SBSN: variants seen among roughly 807,000 people sequenced by gnomAD.
SBSN encodes the protein HLAR698.
In SBSN, 33 loss-of-function variants were observed where a neutral mutation model predicts 42.8. That is an observed-to-expected ratio of 0.77 (90% confidence interval 0.58 to 1.03). The LOEUF (loss-of-function observed/expected upper bound fraction) is 1.03. Among genes scored for constraint, SBSN ranks in the 50% least tolerant of loss-of-function variants. The probability of loss-of-function intolerance (pLI) is 0.00; values close to 1 mark genes in which losing one functional copy is unlikely to be tolerated. For missense variants in SBSN, 646 were observed against 757.3 expected (o/e 0.85, Z 1.72); for synonymous variants, 276 against 307.0 (o/e 0.90, Z 1.06).
At chr19:35,523,969 A>C (rs978356906) in intron 3 of SBSN, among the ~76,000 whole-genome samples, 1 of 152,220 alleles carries the variant, frequency 6.6e-6, no homozygotes, top group African/African-American at 2.4e-5. Flanking sequence ...ACTTGAGATC[A>C]GGAGTTCGAG....
At chr19:35,523,976 C>G (rs2071340518) in intron 3 of SBSN, among the ~76,000 whole-genome samples, 1 of 152,126 alleles carries the variant, frequency 6.6e-6, no homozygotes, top group African/African-American at 2.4e-5. Context: ...ATCAGGAGTT[C>G]GAGACCAGCC....
chr19:35,525,059 T>C, intron 1 of SBSN, 135 bp from the exon 2 acceptor site: 3 of 877,260 alleles, frequency 3.4e-6, no homozygotes. Context: ...CACTGCCTCC[T>C]CACTGTCCAG....
At position 35,524,620 on chromosome 19, in the gene SBSN, G is replaced by T. The variant is rs568670376; in HGVS notation, c.1749+91C>A. 5.0e-5 allele frequency: 71 copies of T among 1,420,182 alleles called. No homozygotes were observed. In the African/African-American group the frequency reaches 9.0e-4, roughly 18 times the overall value. 88.0% of individuals were successfully genotyped at this position (1,420,182 alleles called of 1,614,324 possible). A position where few individuals can be genotyped will look rare whatever the true frequency, so the allele number is the denominator to read the frequency against. ...GCAGAGGCTGCAGGTCTGCCCGCCC[G>T]GGGAGCTGTCCAAACAGACACCGGG... On this transcript the variant is annotated intron_variant, in intron 3 of 3. Transcript: ENST00000452271.
rs1198898665 is a variant in SBSN at position 35,527,272 on chromosome 19, T to C, written c.1010A>G (p.His337Arg). 7 of 1,534,732 alleles carry C rather than the reference T, an allele frequency of 4.6e-6. No homozygotes were observed. The highest frequency in any genetic ancestry group is 5.2e-6 in the Non-Finnish European group (6 of 1,146,188). Reference sequence around the variant, plus strand: ...CTTCCAGCCCTCACTGAGACCATGGTGGACCCCCTGGCCAAACCTCCCAGC... The same window carrying C: ...CTTCCAGCCCTCACTGAGACCATGGCGGACCCCCTGGCCAAACCTCCCAGC... The part of the protein sequence containing the change: ...NEAGRFGQGV[H>R]HGLSEGWKET... Residue 337 changes from histidine (H) to arginine (R), a missense_variant, in exon 1 of 4, where the codon CAC (histidine) becomes CGC (arginine). By Grantham distance (29) the His-to-Arg change is conservative. Coordinates refer to ENST00000452271, the MANE Select transcript of SBSN (RefSeq NM_001166034.2).
Position 35,528,307 on chromosome 19 carries a change from C to A in SBSN, c.-26G>T. ...ATTGCTGGGAAGGTCGGGAAGGATG[C>A]AGAGAGGAGCCAGGGAAGCCACGCT... On this transcript the variant is annotated 5_prime_UTR_variant, in exon 1 of 4. Transcript: ENST00000452271. 6.4e-7 allele frequency: 1 copy of A among 1,571,052 alleles called. No individual in the cohort carries two copies. The highest frequency in any genetic ancestry group is 8.6e-7 in the Non-Finnish European group (1 of 1,160,886).
rs376184068 is a variant in SBSN, at chr19:35,526,712, C to T, written c.1570G>A (p.Gly524Arg). The T allele has an allele frequency of 1.2e-5, 19 of 1,613,940 alleles. No homozygotes were observed. The highest frequency in any genetic ancestry group is 1.6e-4 in the Middle Eastern group (1 of 6,062). Residue 524 changes from glycine (G) to arginine (R), a missense_variant, in exon 1 of 4, where the codon GGG becomes AGG. By Grantham distance (125) the Gly-to-Arg change is moderately radical (BLOSUM62 -2). This residue lies in a region of SBSN where 236 missense variants were observed against 225.6 expected (regional missense o/e 1.05). Coordinates refer to ENST00000452271, the MANE Select transcript of SBSN (RefSeq NM_001166034.2). ...TTATGAGCATTCTGCAGCTCCTTCC[C>T]GGCCTGGCCAGCAGCATGGTGGGCA... ...QGAHHAAGQAGKELQNAHNGV... is the reference protein window; with the variant it reads ...QGAHHAAGQARKELQNAHNGV...
rs370689562 is a variant in SBSN, at chr19:35,523,474, G to A, written c.*36C>T. On this transcript the variant is annotated 3_prime_UTR_variant, in exon 4 of 4. Transcript: ENST00000452271. ...AGGTCATGTCAGCTGATGTGACAAC[G>A]GCGACATTATTCTCCCAGCAAGGCC... The A allele has an allele frequency of 1.2e-5, 20 of 1,610,982 alleles. No individual in the cohort carries two copies. Among genetic ancestry groups the A allele is most frequent in the South Asian group, 8.8e-5 (8 of 91,022 alleles).
Position 35,528,274 on chromosome 19 carries a change from A to C in SBSN, c.8T>G (p.Leu3Arg). ...GGAGCAGGAGCCGACCAGACGTGCA[A>C]GATGCATATTGCTGGGAAGGTCGGG... is the stretch of plus-strand genomic sequence containing the variant. The part of the protein sequence containing the change: MH[L>R]ARLVGSCSLL... Residue 3 changes from leucine to arginine, a missense_variant, in exon 1 of 4, where the codon CTT (leucine) becomes CGT (arginine). By Grantham distance (102) the Leu-to-Arg change is moderately radical (BLOSUM62 -2). Transcript: ENST00000452271. 6.2e-7 allele frequency: 1 copy of C among 1,608,574 alleles called. No homozygotes were observed. The highest frequency in any genetic ancestry group is 8.5e-7 in the Non-Finnish European group (1 of 1,177,874).
rs771308982 is a variant in SBSN, at chr19:35,528,104, GC to G, written c.177del (p.His60MetfsTer74). On this transcript the variant is annotated frameshift_variant, in exon 1 of 4. Transcript: ENST00000452271. LOFTEE classifies it high-confidence loss of function. ...ACCTTCTCCACTTCCCTTCCGGCAT[GC>G]GTGATTCCACTGTTGATGCCATCCA... is the stretch of plus-strand genomic sequence containing the variant. ...KALDGINSGITHAGREVEKVF... is the reference protein window; with the variant it reads ...KALDGINSGIXHAGREVEKVF... 2 of 1,614,038 alleles carry G rather than the reference GC, an allele frequency of 1.2e-6. No individual in the cohort carries two copies. Among genetic ancestry groups the G allele is most frequent in the Non-Finnish European group, 1.7e-6 (2 of 1,180,026 alleles).
In SBSN at chr19:35,523,446, T is replaced by G; in HGVS notation, c.*64A>C. 1 of 1,470,714 alleles carries G rather than the reference T, an allele frequency of 6.8e-7. No individual in the cohort carries two copies. The allele number at this position is 1,470,714 out of a possible 1,614,324, so 91.1% of individuals were successfully genotyped here. A position where few individuals can be genotyped will look rare whatever the true frequency, so the allele number is the denominator to read the frequency against. ...AAACCTGTCCCCCACCCCCAACCCC[T>G]CCAGGTCATGTCAGCTGATGTGACA... On this transcript the variant is annotated 3_prime_UTR_variant, in exon 4 of 4. Coordinates refer to ENST00000452271, the MANE Select transcript of SBSN (RefSeq NM_001166034.2).
At chr19:35,525,072 G>C in intron 1 of SBSN, 148 bp from the exon 2 acceptor site, 2 of 808,504 alleles carry the variant, frequency 2.5e-6, no homozygotes, top group Non-Finnish European at 4.0e-6. Context: ...CTGTCCAGAA[G>C]AAAACCCAAA....
At chr19:35,526,374 G>A (rs2071370031) in intron 1 of SBSN, among the ~76,000 whole-genome samples, 1 of 151,992 alleles carries the variant, frequency 6.6e-6, no homozygotes, top group Non-Finnish European at 1.5e-5. Flanking sequence ...TTAACCAGGA[G>A]GGCAGCTCCC....
rs2071407240 is a variant in SBSN, at chr19:35,528,267, A to G, written c.15T>C (p.Arg5=). MHLA[R]LVGSCSLLLL... is the part of the protein sequence containing the mutation. Reference sequence around the variant, plus strand: ...GAAGGAGGGAGCAGGAGCCGACCAGACGTGCAAGATGCATATTGCTGGGAA... The same window carrying G: ...GAAGGAGGGAGCAGGAGCCGACCAGGCGTGCAAGATGCATATTGCTGGGAA... Residue 5 remains arginine, a synonymous_variant, in exon 1 of 4, where the codon CGT becomes CGC. Coordinates refer to ENST00000452271, the MANE Select transcript of SBSN (RefSeq NM_001166034.2). The G allele has an allele frequency of 6.2e-7, 1 of 1,610,330 alleles. No homozygotes were observed. Among genetic ancestry groups the G allele is most frequent in the Admixed American group, 1.7e-5 (1 of 59,724 alleles).
rs2071386440 is a variant in SBSN, at chr19:35,527,234, AC to A, written c.1047del (p.Lys349AsnfsTer91). ...GCAGCATGGTGGACCCCCTGGCCAA[AC>A]TTCTCTGTCTCCTTCCAGCCCTCAC... ...GLSEGWKETEKFGQGVHHAAS... is the reference protein window; with the variant it reads ...GLSEGWKETEXFGQGVHHAAS... On this transcript the variant is annotated frameshift_variant, in exon 1 of 4. Transcript: ENST00000452271. LOFTEE classifies it high-confidence loss of function. The A allele has an allele frequency of 6.5e-7, 1 of 1,535,306 alleles. No individual in the cohort carries two copies. Among genetic ancestry groups the A allele is most frequent in the Non-Finnish European group, 8.7e-7 (1 of 1,146,362 alleles).
Position 35,524,839 on chromosome 19 carries a change from A to G in SBSN, c.1704+20T>C, listed in dbSNP as rs2071351195. Reference sequence around the variant, plus strand: ...AACTCCCAGGGGCCTCCTCTCCCCTACCCCAGAGTCCGCGCTTACCCCAGA... The same window carrying G: ...AACTCCCAGGGGCCTCCTCTCCCCTGCCCCAGAGTCCGCGCTTACCCCAGA... On this transcript the variant is annotated intron_variant, in intron 2 of 3. Coordinates refer to ENST00000452271, the MANE Select transcript of SBSN (RefSeq NM_001166034.2). The G allele has an allele frequency of 1.9e-6, 3 of 1,613,896 alleles. No individual in the cohort carries two copies. The Admixed American group carries it at 5.0e-5, about 27-fold the overall frequency.
rs2071392121 is a variant in SBSN, at chr19:35,527,476, C to T, written c.806G>A (p.Ser269Asn). The T allele has an allele frequency of 6.4e-7, 1 of 1,566,648 alleles. No individual in the cohort carries two copies. Among genetic ancestry groups the T allele is most frequent in the Non-Finnish European group, 8.6e-7 (1 of 1,164,844 alleles). Reference protein sequence around the residue: ...RFGQGVHHGLSEGWKETEKFG... With the variant: ...RFGQGVHHGLNEGWKETEKFG... ...CTTCTCTGTCTCCTTCCAGCCCTCACTGAGACCATGGTGGACCCCCTGGCC... is the reference window on the plus strand; with the variant it reads ...CTTCTCTGTCTCCTTCCAGCCCTCATTGAGACCATGGTGGACCCCCTGGCC... The change falls in exon 1 of 4, where the codon AGT becomes AAT. Residue 269 changes from serine to asparagine, a missense_variant. This residue lies in a region of SBSN where 220 missense variants were observed against 334.5 expected (regional missense o/e 0.66). Transcript: ENST00000452271.
intron 3 of SBSN, 91 bp from the exon 4 acceptor site, chr19:35,523,624 A>G (rs1184584778): frequency 1.2e-5 from 15 of 1,302,816 alleles, no homozygotes; most frequent in African/African-American, 1.5e-5. Context: ...GAGAAGCACA[A>G]GGGGACTGGC....
Position 35,524,759 on chromosome 19 carries a change from C to T in SBSN, c.1705-4G>A. ...TGAAAGGCGTGTTGACCGAGGCCTG[C>T]AATTCAAGGACAAGAAGGTCAGTCT... On this transcript the variant is annotated splice_polypyrimidine_tract_variant and splice_region_variant and intron_variant, in intron 2 of 3. Transcript: ENST00000452271. The T allele has an allele frequency of 1.2e-6, 2 of 1,614,020 alleles. No individual in the cohort carries two copies. Among genetic ancestry groups the T allele is most frequent in the African/African-American group, 1.3e-5 (1 of 74,996 alleles).
In SBSN at chr19:35,524,723, G is replaced by A. The variant is rs768861830; in HGVS notation, c.1737C>T (p.Pro579=). ...ASVNTPFINL[P]ALWRSVANIM... Reference sequence around the variant, plus strand: ...ATGGGGCACTCACCCTCCACAGGGCGGGAAGGTTGATGAAAGGCGTGTTGA... The same window carrying A: ...ATGGGGCACTCACCCTCCACAGGGCAGGAAGGTTGATGAAAGGCGTGTTGA... The change falls in exon 3 of 4, where the codon CCC becomes CCT. Residue 579 remains proline, a synonymous_variant. Coordinates refer to ENST00000452271, the MANE Select transcript of SBSN (RefSeq NM_001166034.2). The A allele has an allele frequency of 9.3e-6, 15 of 1,613,910 alleles. No homozygotes were observed. The highest frequency in any genetic ancestry group is 2.2e-5 in the East Asian group (1 of 44,884).
Sources: gnomAD v4.1 joint callset for allele counts (sites outside exome capture counted in the v4.1 genomes callset) on GRCh38, gnomAD v4.1.1 for gene constraint, gnomAD v4.1.1 regional missense constraint, MANE v1.5 for transcripts, NCBI Gene and HGNC (gene_info 2026-07-23, HGNC 2026-07-21) for gene names.